The following SRBD1 variants were observed in gnomAD, a reference collection of about 807,000 sequenced individuals.
SRBD1 encodes S1 RNA binding domain 1, also known as S1 RNA-binding domain-containing protein 1.
SRBD1 carries 88 observed loss-of-function variants against 115.3 expected under a neutral mutation model. That is an observed-to-expected ratio of 0.76 (90% CI 0.64 to 0.91). The LOEUF (loss-of-function observed/expected upper bound fraction) is 0.91. SRBD1 is among the 40% of genes least tolerant of loss of function. The probability of loss-of-function intolerance (pLI) is 0.00; values close to 1 mark genes in which losing one functional copy is unlikely to be tolerated. For missense variants in SRBD1, 1,385 were observed against 1,177.4 expected, an observed-to-expected ratio of 1.18 and a Z score of -2.58; for synonymous variants, 509 against 407.7, an observed-to-expected ratio of 1.25 and a Z score of -2.99.
chr2:45,442,855 T>C (rs1051394422), intron 16 of SRBD1, among the ~76,000 whole-genome samples: 3 of 152,220 alleles, frequency 2.0e-5, no homozygotes, highest in African/African-American at 4.8e-5. Flanking sequence ...TGCCACCCTT[T>C]TATAATATTC....
At chr2:45,461,440 T>A (rs1669313743) in intron 16 of SRBD1, among the ~76,000 whole-genome samples, 1 of 152,178 alleles carries the variant, frequency 6.6e-6, no homozygotes. Flanking sequence ...CAGATGATGC[T>A]GGATATGGCT....
intron 14 of SRBD1, among the ~76,000 whole-genome samples, chr2:45,510,145 C>T (rs181461676): frequency 1.6e-4 from 24 of 152,174 alleles, no homozygotes; most frequent in African/African-American, 4.6e-4. Flanking sequence ...CAAATTAGCA[C>T]GCATGTTTAT....
chr2:45,453,181 T>C (rs1669046801), intron 16 of SRBD1, among the ~76,000 whole-genome samples: 1 of 151,014 alleles, frequency 6.6e-6, no homozygotes. Flanking sequence ...GAGTTAGACT[T>C]CCTGAAAAAA....
At chr2:45,537,491 T>G (rs1386793677) in intron 14 of SRBD1, among the ~76,000 whole-genome samples, 1 of 152,176 alleles carries the variant, frequency 6.6e-6, no homozygotes, top group Admixed American at 6.5e-5. Flanking sequence ...ATAGTCTTGG[T>G]TCTGAGGGAT....
At chr2:45,412,088 A>G (rs1177609004) in intron 19 of SRBD1, among the ~76,000 whole-genome samples, 1 of 152,210 alleles carries the variant, frequency 6.6e-6, no homozygotes, top group African/African-American at 2.4e-5. Context: ...TCTGGGTGAC[A>G]GAGAGATCTT....
intron 14 of SRBD1, among the ~76,000 whole-genome samples, chr2:45,491,959 T>C (rs1670306531): frequency 2.3e-5 from 3 of 130,416 alleles, no homozygotes; most frequent in African/African-American, 7.7e-5. Context: ...GTAGCTAGGA[T>C]TATAGGTGCC....
intron 14 of SRBD1, among the ~76,000 whole-genome samples, chr2:45,545,283 TAAA>T (rs56909656): frequency 1.6e-4 from 11 of 68,576 alleles, no homozygotes; most frequent in African/African-American, 4.1e-4. Context: ...CTGTCTCAAT[TAAA>T]AAAAAAAAAA....
chr2:45,584,359 A>C (rs1673452320), intron 5 of SRBD1, among the ~76,000 whole-genome samples: 1 of 152,208 alleles, frequency 6.6e-6, no homozygotes, highest in Non-Finnish European at 1.5e-5. Flanking sequence ...GAACATTTGC[A>C]TCTGAGACTA....
rs1359195155 is a variant in SRBD1, at chr2:45,488,840, A to C, written c.1875-509T>G. 2.6e-5 allele frequency among the ~76,000 whole-genome samples: 4 copies of C among 152,264 alleles called. No homozygotes were observed. In the East Asian group the frequency reaches 5.8e-4, roughly 22 times the overall value. On this transcript the variant is annotated intron_variant, in intron 14 of 20. Transcript: ENST00000263736. ...GCACTGTTATTGTTATTACCTGGTT[A>C]TAATTAACAACCACAACATGAAAAA... is the stretch of plus-strand genomic sequence containing the variant.
chr2:45,597,240 G>A (rs1572823619), intron 4 of SRBD1, among the ~76,000 whole-genome samples: 3 of 152,224 alleles, frequency 2.0e-5, no homozygotes, highest in Non-Finnish European at 2.9e-5. Context: ...CTAACATGGT[G>A]AAACCGTGTC....
chr2:45,546,666 C>A (rs1672128858), intron 14 of SRBD1, 66 bp downstream of exon 14: 3 of 1,449,202 alleles, frequency 2.1e-6, no homozygotes, highest in African/African-American at 1.4e-5. Context: ...AGGGAGGATT[C>A]ATCACAAAAG....
intron 16 of SRBD1, among the ~76,000 whole-genome samples, chr2:45,440,320 G>C (rs1317594514): frequency 6.6e-6 from 1 of 152,088 alleles, no homozygotes; most frequent in Non-Finnish European, 1.5e-5. Context: ...CCTCCAGTAG[G>C]TGTTCTTATG....
intron 14 of SRBD1, among the ~76,000 whole-genome samples, chr2:45,541,324 G>C (rs1463963407): frequency 6.6e-6 from 1 of 152,204 alleles, no homozygotes; most frequent in African/African-American, 2.4e-5. Context: ...CCCTGGCTTA[G>C]GGAGCACCTA....
At chr2:45,609,091 G>A (rs1006655310) in intron 1 of SRBD1, among the ~76,000 whole-genome samples, 4 of 152,202 alleles carry the variant, frequency 2.6e-5, no homozygotes, top group Non-Finnish European at 5.9e-5. Context: ...ACAAGTGTGA[G>A]CCATGGCGCC....
At chr2:45,492,184 A>T (rs1167830120) in intron 14 of SRBD1, among the ~76,000 whole-genome samples, 2 of 152,322 alleles carry the variant, frequency 1.3e-5, no homozygotes, top group Middle Eastern at 3.4e-3. Flanking sequence ...GCTAATCATT[A>T]ATCAATATAA....
At chr2:45,571,567 T>C (rs1218216434) in intron 9 of SRBD1, among the ~76,000 whole-genome samples, 1 of 137,424 alleles carries the variant, frequency 7.3e-6, no homozygotes, top group Non-Finnish European at 1.5e-5. Flanking sequence ...GCTTAGACAT[T>C]GACCTTACAA....
intron 14 of SRBD1, among the ~76,000 whole-genome samples, chr2:45,540,479 AG>A (rs1671900067): frequency 6.6e-6 from 1 of 152,190 alleles, no homozygotes; most frequent in South Asian, 2.1e-4. Context: ...CAAAATTTCC[AG>A]AATAGAAAAC....
At chr2:45,459,115 C>T (rs1669238629) in intron 16 of SRBD1, among the ~76,000 whole-genome samples, 1 of 152,086 alleles carries the variant, frequency 6.6e-6, no homozygotes, top group South Asian at 2.1e-4. Context: ...CTACCCTCTT[C>T]CACTCCCACC....
At chr2:45,426,440 G>A (rs1322692596) in intron 16 of SRBD1, among the ~76,000 whole-genome samples, 1 of 152,190 alleles carries the variant, frequency 6.6e-6, no homozygotes, top group Non-Finnish European at 1.5e-5. Flanking sequence ...AGACTTAAAC[G>A]TTCTTGCCTG....
Sources: allele counts gnomAD v4.1 joint callset (sites outside exome capture counted in the v4.1 genomes callset), GRCh38; gene constraint gnomAD v4.1.1; transcripts MANE v1.5; gene names NCBI Gene and HGNC (gene_info 2026-07-23, HGNC 2026-07-21).